ARHGEF11: variants seen among roughly 807,000 people sequenced by gnomAD.
ARHGEF11 encodes Rho guanine nucleotide exchange factor 11.
Under a neutral mutation model 193.7 loss-of-function variants are expected in ARHGEF11, and 55 were observed. The ratio of observed to expected loss-of-function variants is 0.28; its 90% CI spans 0.23 to 0.36. The LOEUF (loss-of-function observed/expected upper bound fraction) is 0.36. ARHGEF11 is among the 10% of genes least tolerant of loss of function. The probability of loss-of-function intolerance (pLI) is 1.00; values close to 1 mark genes in which losing one functional copy is unlikely to be tolerated. For missense variants in ARHGEF11, 1,723 were observed against 2,005.6 expected, an observed-to-expected ratio of 0.86 and a Z score of 2.69; for synonymous variants, 693 against 768.0, an observed-to-expected ratio of 0.90 and a Z score of 1.62.
At chr1:156,936,712 C>T (rs1655437735) in intron 40 of ARHGEF11, 104 bp downstream of exon 40, 3 of 1,332,424 alleles carry the variant, frequency 2.3e-6, no homozygotes, top group Non-Finnish European at 3.1e-6. Context: ...CAAGGGGAAA[C>T]CACTCTCAGA....
At chr1:156,954,772 G>GA (rs1659702363) in intron 21 of ARHGEF11, 120 bp downstream of exon 21, 1 of 872,568 alleles carries the variant, frequency 1.1e-6, no homozygotes, top group Non-Finnish European at 1.9e-6. Flanking sequence ...AGAGAAGAAA[G>GA]AAAGGGAGGG....
rs767443951 is a variant in ARHGEF11, at chr1:156,936,977, A to G, written c.4469T>C (p.Leu1490Pro). 1.9e-5 allele frequency: 31 copies of G among 1,613,896 alleles called. No individual in the cohort carries two copies. Among genetic ancestry groups the G allele is most frequent in the Non-Finnish European group, 2.5e-5 (29 of 1,179,982 alleles). Residue 1490 changes from leucine (L) to proline (P), a missense_variant, in exon 40 of 41, where the codon CTC (leucine) becomes CCC (proline). Around this residue, in one of 5 missense-constraint regions of ARHGEF11, gnomAD observed 360 missense variants for 344.4 expected, o/e 1.05. Transcript: ENST00000368194. ...KDMELAHREL[L>P]KSLGGESSGG... ...AGATGACTCTCCCCCAAGGGACTTG[A>G]GCAGCTCTCTGTGGGCCAGCTCCAT...
chr1:156,992,345 C>G (rs529874360), intron 1 of ARHGEF11, among the ~76,000 whole-genome samples: 11 of 152,344 alleles, frequency 7.2e-5, no homozygotes, highest in African/African-American at 2.6e-4. Context: ...ACATTCTCCC[C>G]TCCTCCAAGG....
At chr1:156,986,328 T>G (rs1664915071) in intron 1 of ARHGEF11, among the ~76,000 whole-genome samples, 155 bp from the exon 2 acceptor site, 1 of 152,118 alleles carries the variant, frequency 6.6e-6, no homozygotes, top group African/African-American at 2.4e-5. Context: ...ATTAGCCATG[T>G]GTACACCACT....
intron 20 of ARHGEF11, 131 bp from the exon 21 acceptor site, chr1:156,955,052 A>C: frequency 1.3e-6 from 1 of 755,022 alleles, no homozygotes; most frequent in South Asian, 1.7e-5. Context: ...ATCTAGAAGA[A>C]TCTCTTTCCG....
At chr1:156,974,448 A>G (rs1662974543) in intron 7 of ARHGEF11, among the ~76,000 whole-genome samples, 1 of 152,222 alleles carries the variant, frequency 6.6e-6, no homozygotes, top group Admixed American at 6.5e-5. Flanking sequence ...TGATTATTGC[A>G]TAAATAATTA....
chr1:156,993,351 CAT>C (rs1421228417), intron 1 of ARHGEF11, among the ~76,000 whole-genome samples: 1 of 152,004 alleles, frequency 6.6e-6, no homozygotes, highest in South Asian at 2.1e-4. Flanking sequence ...TGCCCACACA[CAT>C]ATAATATATA....
At chr1:156,973,730 T>C (rs1013905578) in intron 7 of ARHGEF11, among the ~76,000 whole-genome samples, 1 of 152,182 alleles carries the variant, frequency 6.6e-6, no homozygotes, top group Admixed American at 6.5e-5. Flanking sequence ...ACACACAAAC[T>C]TGGAGCCATC....
Position 157,044,857 on chromosome 1 carries a change from AG to A in ARHGEF11, c.-528del. On this transcript the variant is annotated 5_prime_UTR_variant, in exon 1 of 41. It introduces an in-frame stop codon into an upstream open reading frame of the 5' UTR. Coordinates refer to ENST00000368194, the MANE Select transcript of ARHGEF11 (RefSeq NM_198236.3). Reference sequence around the variant, plus strand: ...GACAACAGCAAATATCTTTGAGGAAAGGAAAAAAAAAAGGATTAATAAATCC... The same window carrying A: ...GACAACAGCAAATATCTTTGAGGAAAGAAAAAAAAAAGGATTAATAAATCC... 4.5e-6 allele frequency: 1 copy of A among 223,528 alleles called. No individual in the cohort carries two copies. The highest frequency in any genetic ancestry group is 8.6e-6 in the Non-Finnish European group (1 of 116,184). The allele number at this position is 223,528 out of a possible 1,614,324, so 13.8% of individuals were successfully genotyped here. A position where few individuals can be genotyped will look rare whatever the true frequency, so the allele number is the denominator to read the frequency against.
rs1246360922 is a variant in ARHGEF11, at chr1:156,947,999, C to T, written c.2154-43G>A. 4 of 1,601,946 alleles carry T rather than the reference C, an allele frequency of 2.5e-6. No individual in the cohort carries two copies. In the Admixed American group the frequency reaches 5.1e-5, roughly 20 times the overall value. On this transcript the variant is annotated intron_variant, in intron 24 of 40. Transcript: ENST00000368194. ...GCTCAGCTTCATTTAGGAGGAAGAA[C>T]TCACACAGAGGGTTTGGCCCTCCCT... is the stretch of plus-strand genomic sequence containing the variant.
chr1:156,955,021 T>C (rs1449554955), intron 20 of ARHGEF11, 100 bp from the exon 21 acceptor site: 4 of 1,052,142 alleles, frequency 3.8e-6, no homozygotes, highest in Admixed American at 4.6e-5. Flanking sequence ...AATTAAAAGG[T>C]AGTGGCGAAA....
intron 19 of ARHGEF11, 65 bp downstream of exon 19, chr1:156,956,355 A>G (rs1659948883): frequency 1.3e-6 from 2 of 1,566,812 alleles, no homozygotes; most frequent in Non-Finnish European, 1.7e-6. Flanking sequence ...AGCTCAGGCA[A>G]TCACCCGCCT....
intron 28 of ARHGEF11, 114 bp downstream of exon 28, chr1:156,946,548 G>C (rs1658160006): frequency 6.9e-7 from 1 of 1,439,268 alleles, no homozygotes; most frequent in African/African-American, 1.4e-5. Context: ...TGTGTCGAAG[G>C]GTAGAGGGAG....
chr1:156,961,576 A>G (rs1379579703), intron 14 of ARHGEF11, 101 bp downstream of exon 14: 116 of 980,040 alleles, frequency 1.2e-4, no homozygotes, highest in Non-Finnish European at 2.7e-5. Flanking sequence ...TCTCTTTAAG[A>G]ACCTGTCTCT....
At position 156,954,923 on chromosome 1, in the gene ARHGEF11, T is replaced by C; in HGVS notation, c.1769-2A>G. 1 of 1,606,086 alleles carries C rather than the reference T, an allele frequency of 6.2e-7. No individual in the cohort carries two copies. Among genetic ancestry groups the C allele is most frequent in the Non-Finnish European group, 8.5e-7 (1 of 1,177,580 alleles). On this transcript the variant is annotated splice_acceptor_variant, in intron 20 of 40. Transcript: ENST00000368194. LOFTEE classifies it high-confidence loss of function. ...CAGGGGACAAGGGAATATGAAATGC[T>C]AAAAGAAAAACAAACAAAAACAAAA...
At chr1:157,028,843 C>G (rs1670956721) in intron 1 of ARHGEF11, among the ~76,000 whole-genome samples, 1 of 152,012 alleles carries the variant, frequency 6.6e-6, no homozygotes, top group Admixed American at 6.6e-5. Context: ...ACAATCCTAG[C>G]TATAATCAAA....
At chr1:156,944,891 C>T (rs1657827516) in intron 30 of ARHGEF11, 128 bp downstream of exon 30, 2 of 1,252,720 alleles carry the variant, frequency 1.6e-6, no homozygotes, top group Non-Finnish European at 2.2e-6. Context: ...TCTTCTGGGG[C>T]TCCATTGTGC....
rs569982131 is a variant in ARHGEF11 at position 157,008,401 on chromosome 1, C to T, written c.33-22228G>A. ...AAGAAGAGACATCAGGAAGCTTGCACGCACGCACACACACACACACACACA... is the reference window on the plus strand; with the variant it reads ...AAGAAGAGACATCAGGAAGCTTGCATGCACGCACACACACACACACACACA... On this transcript the variant is annotated intron_variant, in intron 1 of 40. Transcript: ENST00000368194. 2.9e-3 allele frequency among the ~76,000 whole-genome samples: 99 copies of T among 34,422 alleles called. No homozygotes were observed. In the Middle Eastern group the frequency reaches 0.06, roughly 21 times the overall value. 22.6% of individuals were successfully genotyped at this position (34,422 alleles called of 152,430 possible). A position where few individuals can be genotyped will look rare whatever the true frequency, so the allele number is the denominator to read the frequency against.
Position 156,941,992 on chromosome 1 carries a change from G to A in ARHGEF11, c.3327-3C>T, listed in dbSNP as rs1340745627. 2.5e-6 allele frequency: 4 copies of A among 1,613,990 alleles called. No homozygotes were observed. In the East Asian group the frequency reaches 8.9e-5, roughly 36 times the overall value. On this transcript the variant is annotated splice_region_variant and splice_polypyrimidine_tract_variant and intron_variant, in intron 33 of 40. Transcript: ENST00000368194. The stretch of plus-strand genomic sequence containing the variant: ...CCTCTTCTAAGAGCTCCATCCATCT[G>A]TTGCTCGGCAGGAACAGAGAGGACT...
Sources: allele counts gnomAD v4.1 joint callset (sites outside exome capture counted in the v4.1 genomes callset), GRCh38; gene constraint gnomAD v4.1.1; regional missense constraint gnomAD v4.1.1; transcripts MANE v1.5; gene names NCBI Gene and HGNC (gene_info 2026-07-23, HGNC 2026-07-21).